The following INTS4 variants were observed in gnomAD, a reference collection of about 807,000 sequenced individuals.
INTS4 encodes the protein MSTP093.
In INTS4, 70 loss-of-function variants were observed where a neutral mutation model predicts 119.5. That is an observed-to-expected ratio of 0.59 (90% CI 0.48 to 0.71). The LOEUF (loss-of-function observed/expected upper bound fraction) is 0.71. Among genes scored for constraint, INTS4 ranks in the 30% least tolerant of loss-of-function variants. INTS4 has a pLI of 0.00. For synonymous variants in INTS4, 316 were observed against 419.6 expected, an observed-to-expected ratio of 0.75 and a Z score of 3.02; for missense variants, 867 against 1,173.2, an observed-to-expected ratio of 0.74 and a Z score of 3.81.
At chr11:77,927,246 C>T (rs1237185248) in intron 11 of INTS4, among the ~76,000 whole-genome samples, 2 of 152,004 alleles carry the variant, frequency 1.3e-5, no homozygotes, top group East Asian at 3.9e-4. Context: ...CATGAAGAAC[C>T]GCACATAGAA....
chr11:77,968,547 A>G (rs182941193), intron 4 of INTS4, among the ~76,000 whole-genome samples: 83 of 152,340 alleles, frequency 5.4e-4, no homozygotes, highest in Non-Finnish European at 2.9e-5. Context: ...TCTGCAAAAC[A>G]AAAAGAGCTC....
chr11:77,905,386 G>A (rs1952916038), intron 16 of INTS4, among the ~76,000 whole-genome samples: 1 of 151,962 alleles, frequency 6.6e-6, no homozygotes, highest in Non-Finnish European at 1.5e-5. Context: ...GAACCCAAGA[G>A]GCAGAGGTTG....
intron 2 of INTS4, among the ~76,000 whole-genome samples, chr11:77,983,803 A>G (rs952148756): frequency 3.9e-5 from 6 of 152,240 alleles, no homozygotes; most frequent in Non-Finnish European, 7.3e-5. Context: ...GCTAAGATCA[A>G]GTGTAGGAAA....
At chr11:77,987,634 A>G (rs1038923408) in intron 2 of INTS4, 1 of 451,442 alleles carries the variant, frequency 2.2e-6, no homozygotes, top group Non-Finnish European at 4.5e-6. Flanking sequence ...GGGAGGGCCA[A>G]GCAGGAGGGT....
intron 15 of INTS4, among the ~76,000 whole-genome samples, chr11:77,914,622 A>G (rs1277790674): frequency 6.6e-6 from 1 of 152,192 alleles, no homozygotes; most frequent in Non-Finnish European, 1.5e-5. Flanking sequence ...TAAATATGTT[A>G]GCTTTTACAG....
intron 21 of INTS4, among the ~76,000 whole-genome samples, chr11:77,889,485 A>G (rs1952169189): frequency 6.6e-6 from 1 of 152,180 alleles, no homozygotes; most frequent in South Asian, 2.1e-4. Context: ...AGCATGGCAC[A>G]TGTATACAGA....
intron 8 of INTS4, among the ~76,000 whole-genome samples, chr11:77,950,815 G>A (rs1325186353): frequency 6.6e-6 from 1 of 151,954 alleles, no homozygotes; most frequent in Admixed American, 6.6e-5. Context: ...TTGGTGTGCT[G>A]TACCCATCAA....
At chr11:77,894,187 A>C (rs1952409859) in intron 19 of INTS4, 103 bp downstream of exon 19, 1 of 638,718 alleles carries the variant, frequency 1.6e-6, no homozygotes, top group Non-Finnish European at 2.8e-6. Context: ...TGGCTGCACA[A>C]GCTAAACCAA....
At chr11:77,953,314 GAT>G in intron 8 of INTS4, among the ~76,000 whole-genome samples, 1 of 152,092 alleles carries the variant, frequency 6.6e-6, no homozygotes, top group Non-Finnish European at 1.5e-5. Flanking sequence ...AATTTTTATA[GAT>G]ACTTACACAC....
rs1469596535 is a variant in INTS4, at chr11:77,928,361, G to A, written c.1352C>T (p.Thr451Ile). Reference protein sequence around the residue: ...NITLREDQLDTVLAVLEDSSR... With the variant: ...NITLREDQLDIVLAVLEDSSR... ...ACTCACCTCTAGCACAGCCAGGACA[G>A]TGTCAAGCTGATCTTCTCGGAGGGT... The change falls in exon 11 of 23, where the codon ACT becomes ATT. Residue 451 changes from threonine (T) to isoleucine (I), a missense_variant. By Grantham distance (89) the Thr-to-Ile change is moderately conservative (BLOSUM62 -1). Transcript: ENST00000534064. The A allele has an allele frequency of 3.8e-5, 61 of 1,613,216 alleles. No individual in the cohort carries two copies. The highest frequency in any genetic ancestry group is 4.7e-5 in the Non-Finnish European group (56 of 1,179,540).
intron 3 of INTS4, among the ~76,000 whole-genome samples, chr11:77,979,484 G>GA (rs754093895): frequency 1.5e-4 from 22 of 147,758 alleles, no homozygotes; most frequent in Middle Eastern, 6.8e-3. Flanking sequence ...TAAAAAAACA[G>GA]AAAAAAAAAC....
At chr11:77,967,491 C>T (rs1855552294) in intron 4 of INTS4, among the ~76,000 whole-genome samples, 1 of 152,124 alleles carries the variant, frequency 6.6e-6, no homozygotes, top group African/African-American at 2.4e-5. Flanking sequence ...TATGGCAGCC[C>T]TTACAGAGGT....
intron 12 of INTS4, 92 bp downstream of exon 12, chr11:77,924,658 T>C (rs987063538): frequency 7.6e-5 from 94 of 1,238,952 alleles, no homozygotes; most frequent in Non-Finnish European, 1.0e-4. Flanking sequence ...AGGGCCGTAC[T>C]ATCCTCAATC....
chr11:77,993,229 C>G (rs530333691), intron 1 of INTS4, among the ~76,000 whole-genome samples: 4 of 152,138 alleles, frequency 2.6e-5, no homozygotes, highest in African/African-American at 9.7e-5. Context: ...ATAGGTACAC[C>G]GGTAATGACA....
At chr11:77,951,923 T>C (rs556614967) in intron 8 of INTS4, among the ~76,000 whole-genome samples, 22 of 152,156 alleles carry the variant, frequency 1.4e-4, no homozygotes, top group Non-Finnish European at 2.4e-4. Flanking sequence ...ATGCTCATCA[T>C]CACTGGCCAT....
chr11:77,967,582 TG>T (rs879716322), intron 4 of INTS4, among the ~76,000 whole-genome samples: 3 of 152,144 alleles, frequency 2.0e-5, no homozygotes, highest in Non-Finnish European at 2.9e-5. Context: ...AATCAAAACC[TG>T]GCAGACACCA....
intron 10 of INTS4, among the ~76,000 whole-genome samples, chr11:77,929,248 T>C (rs1190222352): frequency 1.3e-5 from 2 of 152,060 alleles, no homozygotes; most frequent in Non-Finnish European, 2.9e-5. Flanking sequence ...ATGGATTCCT[T>C]CTCCTTCAGG....
Position 77,975,644 on chromosome 11 carries a change from T to C in INTS4, c.471+3352A>G, listed in dbSNP as rs1456806535. ...TGACAGATCTGCCATTGACAAACAG[T>C]TGCAATTTTTACCCTATTAAGAACC... On this transcript the variant is annotated intron_variant, in intron 4 of 22. Transcript: ENST00000534064. Among the ~76,000 whole-genome samples the C allele has an allele frequency of 5.3e-4, 80 of 152,106 alleles. 1 individual carries two copies. The highest frequency in any genetic ancestry group is 5.1e-3 in the Admixed American group (78 of 15,246).
At chr11:77,910,452 G>A (rs1953064908) in intron 15 of INTS4, among the ~76,000 whole-genome samples, 1 of 140,764 alleles carries the variant, frequency 7.1e-6, no homozygotes, top group Non-Finnish European at 1.5e-5. Context: ...GTGGGGTGGG[G>A]GAGGGGGGAG....
Sources: gnomAD v4.1 joint callset for allele counts (sites outside exome capture counted in the v4.1 genomes callset) on GRCh38, gnomAD v4.1.1 for gene constraint, MANE v1.5 for transcripts, NCBI Gene and HGNC (gene_info 2026-07-23, HGNC 2026-07-21) for gene names.